Variants in CASD1 observed in about 807,000 individuals in gnomAD.
CASD1 encodes the protein N-acetylneuraminate (7)9-O-acetyltransferase.
Under a neutral mutation model 100.0 loss-of-function variants are expected in CASD1, and 41 were observed. The ratio of observed to expected loss-of-function variants is 0.41; its 90% CI spans 0.32 to 0.53. CASD1 has a LOEUF of 0.53. CASD1 is among the 20% of genes least tolerant of loss of function. CASD1 has a pLI of 0.25. For missense variants in CASD1, 774 were observed against 948.7 expected (o/e 0.82, Z 2.42); for synonymous variants, 321 against 315.6 (o/e 1.02, Z -0.18).
At position 94,555,893 on chromosome 7, in the gene CASD1, C is replaced by A; in HGVS notation, c.*135C>A. The stretch of plus-strand genomic sequence containing the variant: ...TGGCAAGAGGACAGTTCTGTGACAT[C>A]TGTTGAACATATGTGGTTGTATATA... On this transcript the variant is annotated 3_prime_UTR_variant, in exon 18 of 18. Coordinates refer to ENST00000297273, the MANE Select transcript of CASD1 (RefSeq NM_022900.5). The A allele has an allele frequency of 1.2e-6, 1 of 818,236 alleles. No individual in the cohort carries two copies. Among genetic ancestry groups the A allele is most frequent in the Non-Finnish European group, 1.9e-6 (1 of 527,584 alleles). The allele number at this position is 818,236 out of a possible 1,614,324, so 50.7% of individuals were successfully genotyped here.
At chr7:94,566,324 A>T in the CASD1 span, among the ~76,000 whole-genome samples, 4 of 152,206 alleles carry the variant, frequency 2.6e-5, no homozygotes, top group Admixed American at 2.6e-4. Flanking sequence ...AATATAATTT[A>T]ATTTTTATCT....
intron 5 of CASD1, among the ~76,000 whole-genome samples, chr7:94,530,577 C>G (rs1333015500): frequency 7.9e-5 from 12 of 151,980 alleles, no homozygotes; most frequent in Non-Finnish European, 1.5e-4. Context: ...AAGTTTTAAG[C>G]AGAATGATGT....
rs56786123 is a variant in CASD1, at chr7:94,541,537, G to GTTTT, written c.1356+2508_1356+2511dup. ...ACAGTAGGTGATTTGTGTTCCACTG[G>GTTTT]TTTTTTTTTTTTTTTTTTTTTTTTT... On this transcript the variant is annotated intron_variant, in intron 10 of 17. Transcript: ENST00000297273. 6.8e-4 allele frequency among the ~76,000 whole-genome samples: 41 copies of GTTTT among 60,114 alleles called. 4 individuals carry two copies. Among genetic ancestry groups the GTTTT allele is most frequent in the Non-Finnish European group, 8.2e-4 (29 of 35,196 alleles). 39.4% of individuals were successfully genotyped at this position (60,114 alleles called of 152,430 possible). A position where few individuals can be genotyped will look rare whatever the true frequency, so the allele number is the denominator to read the frequency against.
downstream of CASD1, among the ~76,000 whole-genome samples, chr7:94,561,444 G>C (rs1390203483): frequency 6.6e-6 from 1 of 152,142 alleles, no homozygotes; most frequent in Non-Finnish European, 1.5e-5. Flanking sequence ...TTCTATGGAT[G>C]CTTTTTGGGA....
intron 13 of CASD1, among the ~76,000 whole-genome samples, chr7:94,548,271 A>G (rs983397651): frequency 2.0e-5 from 3 of 151,880 alleles, no homozygotes; most frequent in African/African-American, 7.2e-5. Flanking sequence ...AATAGTGCTT[A>G]ATATTTGTTT....
the CASD1 span, among the ~76,000 whole-genome samples, chr7:94,569,594 C>T: frequency 6.6e-6 from 1 of 151,242 alleles, no homozygotes; most frequent in Admixed American, 6.6e-5. Context: ...AGTTTAGCAC[C>T]TCTGTGCTTG....
At chr7:94,523,995 A>G (rs1270014726) in intron 3 of CASD1, among the ~76,000 whole-genome samples, 1 of 152,150 alleles carries the variant, frequency 6.6e-6, no homozygotes, top group Non-Finnish European at 1.5e-5. Flanking sequence ...ACATGGAAAA[A>G]GTTGAAATTG....
chr7:94,521,066 T>A (rs2116221369), intron 3 of CASD1, among the ~76,000 whole-genome samples: 1 of 152,092 alleles, frequency 6.6e-6, no homozygotes, highest in East Asian at 1.9e-4. Context: ...CACTCCAGCC[T>A]GGCGACAGAG....
the CASD1 span, among the ~76,000 whole-genome samples, chr7:94,601,094 T>C: frequency 6.6e-6 from 1 of 152,160 alleles, no homozygotes; most frequent in Admixed American, 6.6e-5. Context: ...CATATATACA[T>C]ATACATTTAC....
At chr7:94,598,966 A>G in the CASD1 span, 9 of 1,611,316 alleles carry the variant, frequency 5.6e-6, no homozygotes, top group East Asian at 1.3e-4. Context: ...GTTGGATGCT[A>G]GGTCAAAAAG....
At chr7:94,613,162 T>C in the CASD1 span, among the ~76,000 whole-genome samples, 2 of 152,210 alleles carry the variant, frequency 1.3e-5, no homozygotes, top group Admixed American at 6.5e-5. Context: ...GCAGGAGATA[T>C]TGGATTTGTC....
At position 94,549,565 on chromosome 7, in the gene CASD1, A is replaced by G; in HGVS notation, c.1746A>G (p.Pro582=). Reference sequence around the variant, plus strand: ...TTGAGAAGATCTTTTCTCTTTGGCCATTGTCCAAGTGTTTTGAACTGAAAG... The same window carrying G: ...TTGAGAAGATCTTTTCTCTTTGGCCGTTGTCCAAGTGTTTTGAACTGAAAG... ...GAFEKIFSLW[P]LSKCFELKGN... The change falls in exon 14 of 18, where the codon CCA becomes CCG. Residue 582 remains proline (P), a synonymous_variant. Transcript: ENST00000297273. 6.2e-7 allele frequency: 1 copy of G among 1,611,276 alleles called. No homozygotes were observed. Among genetic ancestry groups the G allele is most frequent in the Non-Finnish European group, 8.5e-7 (1 of 1,178,526 alleles).
chr7:94,509,989 C>G lies in CASD1; in HGVS notation c.-96C>G. 3.2e-6 allele frequency: 4 copies of G among 1,267,378 alleles called. No homozygotes were observed. The highest frequency in any genetic ancestry group is 4.0e-6 in the Non-Finnish European group (4 of 995,682). 78.5% of individuals were successfully genotyped at this position (1,267,378 alleles called of 1,614,324 possible). ...TGGCGGCCTGGGGAGCTGGCGGCCGCTCCTCGCCTGGCTGCAGCGGCGGCA... is the reference window on the plus strand; with the variant it reads ...TGGCGGCCTGGGGAGCTGGCGGCCGGTCCTCGCCTGGCTGCAGCGGCGGCA... On this transcript the variant is annotated 5_prime_UTR_variant, in exon 1 of 18. Coordinates refer to ENST00000297273, the MANE Select transcript of CASD1 (RefSeq NM_022900.5).
chr7:94,537,485 T>A lies in CASD1; in HGVS notation c.857T>A (p.Leu286His). The A allele has an allele frequency of 6.2e-7, 1 of 1,605,440 alleles. No individual in the cohort carries two copies. Among genetic ancestry groups the A allele is most frequent in the South Asian group, 1.1e-5 (1 of 90,198 alleles). The change falls in exon 9 of 18, where the codon CTT becomes CAT. Residue 286 changes from leucine (L) to histidine (H), a missense_variant. Leu to His is a moderately conservative substitution (Grantham distance 99). Transcript: ENST00000297273. ...ATTTGTTCACAGACTGCAATGATTC[T>A]TATGAATGTGTATTGCAATAAGATT... Reference protein sequence around the residue: ...ESSRETTAMILMNVYCNKILK... With the variant: ...ESSRETTAMIHMNVYCNKILK...
chr7:94,588,892 CTG>C, the CASD1 span: 27 of 699,384 alleles, frequency 3.9e-5, no homozygotes, highest in Non-Finnish European at 5.4e-5. Context: ...GATGAGGAAA[CTG>C]AGGTCTGAGG....
chr7:94,554,272 T>C, intron 16 of CASD1: 1 of 411,578 alleles, frequency 2.4e-6, no homozygotes, highest in Non-Finnish European at 4.4e-6. Context: ...TTCATTGGTA[T>C]GCAGCATACC....
At chr7:94,535,165 C>T (rs534721742) in intron 7 of CASD1, 144 bp from the exon 8 acceptor site, 581 of 600,116 alleles carry the variant, frequency 9.7e-4, no homozygotes, top group Non-Finnish European at 1.4e-3. Context: ...GGAAGCTTTG[C>T]GTAAAAATGA....
chr7:94,536,135 C>G (rs749114406), intron 8 of CASD1, among the ~76,000 whole-genome samples: 3 of 151,934 alleles, frequency 2.0e-5, no homozygotes, highest in Non-Finnish European at 2.9e-5. Context: ...CCCAGCTACT[C>G]GGGAGGCTGA....
chr7:94,542,863 A>G (rs980973691), intron 10 of CASD1, among the ~76,000 whole-genome samples: 1 of 152,184 alleles, frequency 6.6e-6, no homozygotes. Flanking sequence ...AATATGTTAC[A>G]CCCTCATTGA....
Sources: allele counts gnomAD v4.1 joint callset (sites outside exome capture counted in the v4.1 genomes callset), GRCh38; gene constraint gnomAD v4.1.1; transcripts MANE v1.5; gene names NCBI Gene and HGNC (gene_info 2026-07-23, HGNC 2026-07-21).